FRMPD3: variants seen among roughly 807,000 people sequenced by gnomAD.
The protein encoded by FRMPD3 is FERM and PDZ domain-containing protein 3.
FRMPD3 carries 42 observed loss-of-function variants against 97.9 expected under a neutral mutation model. The observed-to-expected ratio is 0.43, with a 90% confidence interval of 0.34 to 0.55. FRMPD3 has a LOEUF of 0.55. Among genes scored for constraint, FRMPD3 ranks in the 20% least tolerant of loss-of-function variants. FRMPD3 has a pLI of 0.03. For missense variants in FRMPD3, 1,303 were observed against 1,457.7 expected (o/e 0.89, Z 1.73); for synonymous variants, 577 against 581.1 (o/e 0.99, Z 0.10).
intron 4 of FRMPD3, among the ~76,000 whole-genome samples, chrX:107,543,530 C>G (rs187518784): frequency 9.0e-6 from 1 of 111,216 alleles, no homozygotes; most frequent in African/African-American, 3.3e-5. Flanking sequence ...ATAACCTCCC[C>G]CAGTGGCCGG....
intron 1 of FRMPD3, among the ~76,000 whole-genome samples, chrX:107,490,714 G>T: frequency 8.9e-6 from 1 of 112,170 alleles, no homozygotes; most frequent in Non-Finnish European, 1.9e-5. Context: ...TCTGAAAACA[G>T]GTGGGTTTCT....
At position 107,603,451 on chromosome X, in the gene FRMPD3, AGTGT is replaced by A; in HGVS notation, c.*87_*90del. 9.1e-7 allele frequency: 1 copy of A among 1,104,240 alleles called. No homozygotes were observed. Among genetic ancestry groups the A allele is most frequent in the Non-Finnish European group, 1.2e-6 (1 of 843,172 alleles). The allele number at this position is 1,104,240 out of a possible 1,213,427, so 91.0% of individuals were successfully genotyped here. On this transcript the variant is annotated 3_prime_UTR_variant, in exon 15 of 15. Transcript: ENST00000683843. ...TTTGTGGTCCTTGCATCTTGTGGTG[AGTGT>A]GTGTGTGTCTGCTGGGCCAGTCAGG...
chrX:107,536,289 G>A (rs1923235449), intron 4 of FRMPD3, among the ~76,000 whole-genome samples: 1 of 111,208 alleles, frequency 9.0e-6, no homozygotes, highest in Non-Finnish European at 1.9e-5. Flanking sequence ...CCAGGTGTTG[G>A]AGACTGCTTT....
At chrX:107,573,748 T>C (rs1296339712) in intron 12 of FRMPD3, among the ~76,000 whole-genome samples, 2 of 112,465 alleles carry the variant, frequency 1.8e-5, no homozygotes, top group Non-Finnish European at 3.8e-5. Flanking sequence ...TGCATTGTAA[T>C]TGAATGTACA....
intron 1 of FRMPD3, among the ~76,000 whole-genome samples, chrX:107,478,977 C>T (rs1298358429): frequency 1.8e-5 from 2 of 111,719 alleles, no homozygotes; most frequent in Non-Finnish European, 3.8e-5. Flanking sequence ...CTCTCCACCC[C>T]ACCCCCGAAC....
At chrX:107,581,362 C>T (rs1923378743) in intron 13 of FRMPD3, among the ~76,000 whole-genome samples, 1 of 110,259 alleles carries the variant, frequency 9.1e-6, no homozygotes, top group African/African-American at 3.3e-5. Flanking sequence ...CCGCCCACCT[C>T]GGCCTCCCAA....
chrX:107,590,439 CA>C (rs902223252), intron 13 of FRMPD3, among the ~76,000 whole-genome samples: 1 of 112,522 alleles, frequency 8.9e-6, no homozygotes, highest in African/African-American at 3.2e-5. Flanking sequence ...TCCTTTCATT[CA>C]AATCAAGTAT....
chrX:107,554,460 C>G lies in FRMPD3; in HGVS notation c.718C>G (p.Leu240Val). ...ISFFPKDPVE[L>V]LRRDPAAFEY... is the part of the protein sequence containing the mutation. ...CTTCTTTCCCAAAGACCCTGTGGAG[C>G]TGCTGCGTCGGGATCCTGCTGCTTT... The change falls in exon 8 of 15, where the codon CTG becomes GTG. Residue 240 changes from leucine (L) to valine (V), a missense_variant. This residue lies in a region of FRMPD3 where 535 missense variants were observed against 618.6 expected (regional missense o/e 0.86). Transcript: ENST00000683843. 5.8e-6 allele frequency: 7 copies of G among 1,210,205 alleles called. No individual in the cohort carries two copies. Among genetic ancestry groups the G allele is most frequent in the Non-Finnish European group, 7.8e-6 (7 of 895,001 alleles).
chrX:107,557,690 TGTG>T (rs1242827378), intron 8 of FRMPD3, among the ~76,000 whole-genome samples: 14 of 97,837 alleles, frequency 1.4e-4, no homozygotes, highest in South Asian at 9.8e-4. Context: ...TGTGTGTGTG[TGTG>T]TTTTTTTTTG....
chrX:107,557,691 GTGT>G (rs1301266585), intron 8 of FRMPD3, among the ~76,000 whole-genome samples: 1,787 of 96,261 alleles, frequency 0.019, 39 homozygotes, highest in African/African-American at 0.066. Context: ...GTGTGTGTGT[GTGT>G]TTTTTTTTGC....
chrX:107,477,641 T>C (rs1921235396), intron 1 of FRMPD3, among the ~76,000 whole-genome samples: 1 of 112,247 alleles, frequency 8.9e-6, no homozygotes, highest in Non-Finnish European at 1.9e-5. Context: ...GATTAGCTAA[T>C]ACCCAAGTGT....
intron 1 of FRMPD3, among the ~76,000 whole-genome samples, chrX:107,465,888 A>G (rs761647917): frequency 3.6e-5 from 4 of 112,105 alleles, no homozygotes; most frequent in African/African-American, 1.3e-4. Flanking sequence ...AAAAAGAAAA[A>G]AAAAATCCGT....
At position 107,600,452 on chromosome X, in the gene FRMPD3, A is replaced by G. The variant is rs1173130057; in HGVS notation, c.2413A>G (p.Lys805Glu). Residue 805 changes from lysine to glutamate, a missense_variant, in exon 15 of 15, where the codon AAG becomes GAG. Physicochemically the swap from Lys to Glu is moderately conservative, Grantham distance 56. Around this residue, in one of 3 missense-constraint regions of FRMPD3, gnomAD observed 764 missense variants for 820.2 expected, o/e 0.93. Coordinates refer to ENST00000683843, the MANE Select transcript of FRMPD3 (RefSeq NM_001388459.1). ...CTACTTCCTGGCCCAGCACCTCAAC[A>G]AGGACAGCCTCCTTGCCCGCAAGGA... Reference protein sequence around the residue: ...TTYFLAQHLNKDSLLARKDLP... With the variant: ...TTYFLAQHLNEDSLLARKDLP... 5.0e-6 allele frequency: 6 copies of G among 1,208,479 alleles called. No individual in the cohort carries two copies. The highest frequency in any genetic ancestry group is 2.2e-6 in the Non-Finnish European group (2 of 894,836).
At chrX:107,504,243 G>A (rs944697808) in intron 1 of FRMPD3, among the ~76,000 whole-genome samples, 45 of 112,893 alleles carry the variant, frequency 4.0e-4, no homozygotes, top group African/African-American at 1.4e-3. Context: ...GCTCAAGGCC[G>A]GGTGCTTTCT....
intron 13 of FRMPD3, among the ~76,000 whole-genome samples, chrX:107,587,940 A>C (rs192590964): frequency 9.1e-6 from 1 of 110,076 alleles, no homozygotes; most frequent in East Asian, 2.9e-4. Flanking sequence ...ACACCCAGCT[A>C]GTTTTTGTAT....
Position 107,603,220 on chromosome X carries a change from G to GCAACAA in FRMPD3, c.5187_5192dup (p.Gln1742_Gln1743dup). 1 of 1,169,349 alleles carries GCAACAA rather than the reference G, an allele frequency of 8.6e-7. No individual in the cohort carries two copies. On this transcript the variant is annotated inframe_insertion, in exon 15 of 15. Transcript: ENST00000683843. Reference sequence around the variant, plus strand: ...AGCAGCAACAACAACAGCAGCAGCAGCAACAACAACAGCAGCAGCAACAAC... The same window carrying GCAACAA: ...AGCAGCAACAACAACAGCAGCAGCAGCAACAACAACAACAACAGCAGCAGCAACAAC...
intron 2 of FRMPD3, among the ~76,000 whole-genome samples, chrX:107,530,146 G>A (rs1157443323): frequency 8.9e-6 from 1 of 112,261 alleles, no homozygotes; most frequent in Non-Finnish European, 1.9e-5. Flanking sequence ...TCCAGAGCAT[G>A]TCTTTCTTGG....
intron 1 of FRMPD3, among the ~76,000 whole-genome samples, chrX:107,456,369 CA>C (rs1931377588): frequency 9.0e-6 from 1 of 111,313 alleles, no homozygotes; most frequent in Non-Finnish European, 1.9e-5. Flanking sequence ...TTTTCAACCT[CA>C]AAAAAATTAG....
chrX:107,474,942 G>A (rs768430746), intron 1 of FRMPD3, among the ~76,000 whole-genome samples: 1 of 112,221 alleles, frequency 8.9e-6, no homozygotes, highest in South Asian at 3.8e-4. Context: ...TGGACTAAAT[G>A]AAGGTTCAGT....
Sources: gnomAD v4.1 joint callset for allele counts (sites outside exome capture counted in the v4.1 genomes callset) on GRCh38, gnomAD v4.1.1 for gene constraint, gnomAD v4.1.1 regional missense constraint, MANE v1.5 for transcripts, NCBI Gene and HGNC (gene_info 2026-07-23, HGNC 2026-07-21) for gene names.